Variants in SNX13 observed in about 807,000 individuals in gnomAD.
The protein encoded by SNX13 is sorting nexin-13.
In SNX13, 45 loss-of-function variants were observed where a neutral mutation model predicts 133.6. The observed-to-expected ratio is 0.34, with a 90% CI of 0.27 to 0.43. The LOEUF (loss-of-function observed/expected upper bound fraction) is 0.43. SNX13 is among the 20% of genes least tolerant of loss of function. The pLI, the probability that SNX13 is intolerant of heterozygous loss-of-function variation, is 1.00. For synonymous variants in SNX13, 414 were observed against 373.9 expected (o/e 1.11, Z -1.24); for missense variants, 1,032 against 1,145.1 (o/e 0.90, Z 1.43).
At chr7:17,890,290 A>G (rs903682597) in intron 5 of SNX13, 73 bp downstream of exon 5, 2 of 1,414,138 alleles carry the variant, frequency 1.4e-6, no homozygotes, top group African/African-American at 1.5e-5. Flanking sequence ...TCCTCCCCTT[A>G]AAAGTTGTTT....
chr7:17,854,039 C>CA (rs1791576652), intron 9 of SNX13, among the ~76,000 whole-genome samples: 1 of 151,826 alleles, frequency 6.6e-6, no homozygotes, highest in South Asian at 2.1e-4. Context: ...AAAATGACAA[C>CA]AAAACTGAAA....
intron 1 of SNX13, chr7:17,898,717 T>A (rs751375622): frequency 1.3e-5 from 2 of 152,174 alleles, no homozygotes; most frequent in Admixed American, 1.3e-4. Flanking sequence ...TCTAAGCAAC[T>A]CTAAATGATT....
Position 17,850,398 on chromosome 7 carries a change from T to C in SNX13, c.1014A>G (p.Leu338=). 5 of 1,592,834 alleles carry C rather than the reference T, an allele frequency of 3.1e-6. No homozygotes were observed. The highest frequency in any genetic ancestry group is 4.3e-6 in the Non-Finnish European group (5 of 1,170,302). ...NTIKNQINSL[L]FVKKVCDSRI... is the part of the protein sequence containing the mutation. ...TTGAGTCACATACCTTCTTTACGAA[T>C]AGTAAGCTATTTATTTGATTTTTGA... is the stretch of plus-strand genomic sequence containing the variant. The change falls in exon 11 of 26, where the codon CTA becomes CTG. Residue 338 remains leucine, a synonymous_variant. Transcript: ENST00000428135.
In SNX13 at chr7:17,804,361, T is replaced by C. The variant is rs1044422418; in HGVS notation, c.2065-781A>G. Among the ~76,000 whole-genome samples, 6 of 152,198 alleles carry C rather than the reference T, an allele frequency of 3.9e-5. 1 individual carries two copies. The highest frequency in any genetic ancestry group is 8.8e-5 in the Non-Finnish European group (6 of 68,004). Reference sequence around the variant, plus strand: ...ACAGAAAACTGAAATAACTAATAAGTATTTGATTTATTTTTTAAAATAATT... The same window carrying C: ...ACAGAAAACTGAAATAACTAATAAGCATTTGATTTATTTTTTAAAATAATT... On this transcript the variant is annotated intron_variant, in intron 20 of 25. Transcript: ENST00000428135.
intron 1 of SNX13, among the ~76,000 whole-genome samples, chr7:17,906,264 C>T (rs1263110508): frequency 6.6e-6 from 1 of 152,052 alleles, no homozygotes; most frequent in East Asian, 1.9e-4. Flanking sequence ...AGTCACAATT[C>T]ATTCGACATT....
At chr7:17,795,713 T>G (rs2128282066) in intron 25 of SNX13, 2 of 151,906 alleles carry the variant, frequency 1.3e-5, no homozygotes, top group South Asian at 4.1e-4. Context: ...ATAATAACTT[T>G]CAATAAATAT....
At chr7:17,849,974 C>A (rs951380755) in intron 11 of SNX13, among the ~76,000 whole-genome samples, 1 of 152,148 alleles carries the variant, frequency 6.6e-6, no homozygotes, top group South Asian at 2.1e-4. Flanking sequence ...TATTTCCTGA[C>A]TCTGCAACTA....
At chr7:17,825,920 A>G (rs1158100763) in intron 17 of SNX13, 102 bp downstream of exon 17, 6 of 759,596 alleles carry the variant, frequency 7.9e-6, no homozygotes, top group Non-Finnish European at 1.0e-5. Flanking sequence ...AACTATGACT[A>G]GAGAACAAAA....
At chr7:17,902,846 G>A (rs1224943708) in intron 1 of SNX13, among the ~76,000 whole-genome samples, 2 of 152,192 alleles carry the variant, frequency 1.3e-5, no homozygotes, top group East Asian at 3.9e-4. Flanking sequence ...TGTCAGAGCA[G>A]CAGCAGCATT....
intron 22 of SNX13, among the ~76,000 whole-genome samples, chr7:17,800,398 T>G (rs1183686144): frequency 1.3e-5 from 2 of 151,778 alleles, no homozygotes; most frequent in Non-Finnish European, 3.0e-5. Flanking sequence ...TAACCTGATT[T>G]GTGATAAGGG....
intron 8 of SNX13, 40 bp downstream of exon 8, chr7:17,873,488 A>AT (rs767044481): frequency 5.0e-6 from 7 of 1,389,806 alleles, no homozygotes; most frequent in South Asian, 3.2e-5. Flanking sequence ...ACTGCTCTAC[A>AT]TTTTTTTGCA....
At chr7:17,801,131 T>C (rs576426944) in intron 22 of SNX13, among the ~76,000 whole-genome samples, 110 of 131,930 alleles carry the variant, frequency 8.3e-4, no homozygotes, top group African/African-American at 2.7e-3. Flanking sequence ...CGAATGTTCA[T>C]AGAAGTATTA....
chr7:17,922,138 C>T (rs1800190970), intron 1 of SNX13, among the ~76,000 whole-genome samples: 1 of 152,172 alleles, frequency 6.6e-6, no homozygotes, highest in African/African-American at 2.4e-5. Context: ...GAACTGCCTG[C>T]CTACTAATGG....
intron 17 of SNX13, among the ~76,000 whole-genome samples, chr7:17,825,357 G>C (rs988145826): frequency 6.6e-6 from 1 of 151,730 alleles, no homozygotes; most frequent in Non-Finnish European, 1.5e-5. Flanking sequence ...ACTGAATTAA[G>C]GTATATACCT....
At chr7:17,830,491 G>C (rs944110059) in intron 15 of SNX13, 3 of 983,798 alleles carry the variant, frequency 3.0e-6, no homozygotes, top group Non-Finnish European at 3.6e-6. Flanking sequence ...GGGATAAACA[G>C]ACTTATTTTT....
intron 1 of SNX13, among the ~76,000 whole-genome samples, chr7:17,914,722 G>A (rs539697587): frequency 1.4e-3 from 212 of 152,264 alleles, no homozygotes; most frequent in Middle Eastern, 0.01. Flanking sequence ...GAAGCTTAAG[G>A]GGGTTCTAAA....
chr7:17,881,278 T>A (rs1304517758), intron 5 of SNX13: 1 of 150,982 alleles, frequency 6.6e-6, no homozygotes, highest in African/African-American at 2.4e-5. Context: ...CCATAGAATC[T>A]TAGTATTTTA....
intron 20 of SNX13, among the ~76,000 whole-genome samples, chr7:17,805,954 A>G (rs1785250732): frequency 1.3e-5 from 2 of 152,258 alleles, no homozygotes; most frequent in African/African-American, 2.4e-5. Flanking sequence ...GCATAAAAGC[A>G]AAGTCCATCA....
chr7:17,918,799 A>G (rs918621126), intron 1 of SNX13, among the ~76,000 whole-genome samples: 1 of 152,222 alleles, frequency 6.6e-6, no homozygotes, highest in Admixed American at 6.5e-5. Context: ...GGTAATCTGC[A>G]CTCATATGTT....
Sources: gnomAD v4.1 joint callset for allele counts (sites outside exome capture counted in the v4.1 genomes callset) on GRCh38, gnomAD v4.1.1 for gene constraint, MANE v1.5 for transcripts, NCBI Gene and HGNC (gene_info 2026-07-23, HGNC 2026-07-21) for gene names.